TNN: variants seen among roughly 807,000 people sequenced by gnomAD.
TNN encodes the protein tenascin-N.
In TNN, 122 loss-of-function variants were observed where a neutral mutation model predicts 134.4. The ratio of observed to expected loss-of-function variants is 0.91; its 90% CI spans 0.78 to 1.06. The LOEUF (loss-of-function observed/expected upper bound fraction) is 1.06, where lower values mean the gene tolerates loss of function less well. TNN is among the 50% of genes least tolerant of loss of function. TNN has a pLI of 0.00. For synonymous variants in TNN, 710 were observed against 670.3 expected, an observed-to-expected ratio of 1.06 and a Z score of -0.91; for missense variants, 1,739 against 1,699.4, an observed-to-expected ratio of 1.02 and a Z score of -0.41.
At chr1:175,082,720 C>T (rs549951118) in intron 4 of TNN, among the ~76,000 whole-genome samples, 19 of 152,248 alleles carry the variant, frequency 1.2e-4, no homozygotes, top group Non-Finnish European at 1.9e-4. Flanking sequence ...CTTCATCATC[C>T]GTCAGTGGTC....
At chr1:175,077,274 T>A in intron 1 of TNN, 110 bp from the exon 2 acceptor site, 1 of 836,470 alleles carries the variant, frequency 1.2e-6, no homozygotes, top group East Asian at 2.4e-5. Context: ...TAGAATGAGT[T>A]CTTTCTGCTG....
At chr1:175,122,310 C>T (rs571036310) in intron 11 of TNN, among the ~76,000 whole-genome samples, 1 of 152,210 alleles carries the variant, frequency 6.6e-6, no homozygotes, top group Non-Finnish European at 1.5e-5. Flanking sequence ...ATTGCTTGAG[C>T]CTGGGAGGTC....
chr1:175,100,953 A>C (rs531151590), intron 9 of TNN, among the ~76,000 whole-genome samples: 1 of 152,354 alleles, frequency 6.6e-6, no homozygotes, highest in East Asian at 1.9e-4. Context: ...TGATGATCAA[A>C]TCAGGGTAAT....
chr1:175,128,020 C>T lies in TNN; in HGVS notation c.3046-12C>T. The stretch of plus-strand genomic sequence containing the variant: ...GAGTCACTGGCTGTCTAATCTCTCC[C>T]TTGTTTGGTAGGAGATGCAGCTGGG... On this transcript the variant is annotated splice_polypyrimidine_tract_variant and intron_variant, in intron 13 of 18. Coordinates refer to ENST00000239462, the MANE Select transcript of TNN (RefSeq NM_022093.2). 1 of 1,614,076 alleles carries T rather than the reference C, an allele frequency of 6.2e-7. No homozygotes were observed. The highest frequency in any genetic ancestry group is 8.5e-7 in the Non-Finnish European group (1 of 1,179,972).
intron 17 of TNN, among the ~76,000 whole-genome samples, chr1:175,139,082 G>A (rs972454934): frequency 6.6e-6 from 1 of 152,236 alleles, no homozygotes; most frequent in Admixed American, 6.5e-5. Context: ...GGGTGAGTCA[G>A]TGAGTGGTGA....
intron 9 of TNN, among the ~76,000 whole-genome samples, chr1:175,112,978 T>C (rs909470170): frequency 2.9e-4 from 44 of 152,310 alleles, no homozygotes; most frequent in African/African-American, 1.1e-3. Context: ...AAGGTTATTA[T>C]TGATAGGAGA....
At chr1:175,101,367 G>T (rs1674719976) in intron 9 of TNN, among the ~76,000 whole-genome samples, 1 of 148,226 alleles carries the variant, frequency 6.7e-6, no homozygotes, top group South Asian at 2.2e-4. Flanking sequence ...GAGTGAAGCT[G>T]CAGATCTTCG....
rs1674610294 is a variant in TNN, at chr1:175,097,827, T to C, written c.1855+144T>C. ...AAGAAAGACTGAGCTCTCGTGGTGATGGCGGTGGGCTGCTCTTTCCTGACA... is the reference window on the plus strand; with the variant it reads ...AAGAAAGACTGAGCTCTCGTGGTGACGGCGGTGGGCTGCTCTTTCCTGACA... On this transcript the variant is annotated intron_variant, in intron 8 of 18. Transcript: ENST00000239462. 11 of 1,196,916 alleles carry C rather than the reference T, an allele frequency of 9.2e-6. 1 individual carries two copies. The Admixed American group carries it at 2.7e-4, about 30-fold the overall frequency. The allele number at this position is 1,196,916 out of a possible 1,614,324, so 74.1% of individuals were successfully genotyped here. A position where few individuals can be genotyped will look rare whatever the true frequency, so the allele number is the denominator to read the frequency against.
chr1:175,118,524 G>GT, intron 10 of TNN, 37 bp from the exon 11 acceptor site: 1 of 1,611,046 alleles, frequency 6.2e-7, no homozygotes, highest in Non-Finnish European at 8.5e-7. Context: ...TCTGGCACCT[G>GT]TTCATAGTGC....
chr1:175,108,819 T>C (rs12407456), intron 9 of TNN, among the ~76,000 whole-genome samples: 18,627 of 125,466 alleles, frequency 0.15, 1,824 homozygotes, highest in African/African-American at 0.21. Context: ...TGTGCAGCCC[T>C]GGTTCCCGCT....
Position 175,085,404 on chromosome 1 carries a change from G to A in TNN, c.1235-1G>A. ...ATCCTGCGCTGCCTGCTTGTTTCCA[G>A]GTCTGCACCCGGGGACTGAGTATAA... is the stretch of plus-strand genomic sequence containing the variant. On this transcript the variant is annotated splice_acceptor_variant, in intron 5 of 18. Coordinates refer to ENST00000239462, the MANE Select transcript of TNN (RefSeq NM_022093.2). LOFTEE classifies it high-confidence loss of function. 1 of 1,607,134 alleles carries A rather than the reference G, an allele frequency of 6.2e-7. No individual in the cohort carries two copies. The highest frequency in any genetic ancestry group is 1.1e-5 in the South Asian group (1 of 90,478).
rs752742349 is a variant in TNN at position 175,147,123 on chromosome 1, G to C, written c.*52G>C. On this transcript the variant is annotated 3_prime_UTR_variant, in exon 19 of 19. Transcript: ENST00000239462. The stretch of plus-strand genomic sequence containing the variant: ...AGACACCACCAGCTGTGGCAGCTTG[G>C]GGCGGGGTGGGTAGTGGTCACTGCG... The C allele has an allele frequency of 1.4e-6, 2 of 1,439,280 alleles. No homozygotes were observed. The highest frequency in any genetic ancestry group is 1.8e-6 in the Non-Finnish European group (2 of 1,083,804). 89.2% of individuals were successfully genotyped at this position (1,439,280 alleles called of 1,614,324 possible).
At chr1:175,145,912 G>C (rs2157587) in intron 18 of TNN, among the ~76,000 whole-genome samples, 148,432 of 152,242 alleles carry the variant, frequency 0.97, 72,372 homozygotes, top group East Asian at 0.99. Flanking sequence ...CTCCACAAAC[G>C]CTGAGTCCCC....
chr1:175,067,873 C>A lies in TNN; in HGVS notation c.-98C>A. 2.0e-6 allele frequency: 1 copy of A among 501,626 alleles called. No individual in the cohort carries two copies. The highest frequency in any genetic ancestry group is 4.0e-6 in the Non-Finnish European group (1 of 251,870). The allele number at this position is 501,626 out of a possible 1,614,324, so 31.1% of individuals were successfully genotyped here. ...GACGACCAGCAAGTACCAAGGTCTG[C>A]GGCAGGAGGAGACCGGCTCACAGGA... On this transcript the variant is annotated 5_prime_UTR_variant, in exon 1 of 19. Transcript: ENST00000239462.
At chr1:175,088,321 A>G (rs1430855627) in intron 6 of TNN, among the ~76,000 whole-genome samples, 1 of 152,188 alleles carries the variant, frequency 6.6e-6, no homozygotes, top group Admixed American at 6.5e-5. Context: ...TCTCATTAAC[A>G]TACAGAAGAC....
intron 8 of TNN, 46 bp from the exon 9 acceptor site, chr1:175,098,286 T>C: frequency 6.2e-7 from 1 of 1,613,396 alleles, no homozygotes; most frequent in South Asian, 1.1e-5. Context: ...AGGATATGTC[T>C]TCCATGGCTT....
At chr1:175,119,696 G>A (rs1194672614) in intron 11 of TNN, among the ~76,000 whole-genome samples, 1 of 148,072 alleles carries the variant, frequency 6.8e-6, no homozygotes, top group Admixed American at 6.8e-5. Context: ...GTGCAGTGGC[G>A]CTATCTCGGC....
intron 12 of TNN, among the ~76,000 whole-genome samples, chr1:175,125,076 G>A (rs563238663): frequency 2.9e-4 from 44 of 152,312 alleles, no homozygotes; most frequent in South Asian, 1.4e-3. Context: ...GTGAAATCAG[G>A]AAATTCAGTT....
At chr1:175,099,805 G>A (rs1674674469) in intron 9 of TNN, among the ~76,000 whole-genome samples, 1 of 152,142 alleles carries the variant, frequency 6.6e-6, no homozygotes, top group Admixed American at 6.5e-5. Context: ...ACTCGGTCAT[G>A]AAGCACTTCT....
Sources: allele counts gnomAD v4.1 joint callset (sites outside exome capture counted in the v4.1 genomes callset), GRCh38; gene constraint gnomAD v4.1.1; transcripts MANE v1.5; gene names NCBI Gene and HGNC (gene_info 2026-07-23, HGNC 2026-07-21).